Variants in INPP5A observed in about 807,000 individuals in gnomAD.
INPP5A encodes inositol polyphosphate-5-phosphatase A, also known as 43 kDa inositol polyphosphate 5-phophatase.
A neutral mutation model predicts 65.2 loss-of-function variants in INPP5A; 14 were observed. The observed-to-expected ratio is 0.21, with a 90% confidence interval of 0.14 to 0.34. The LOEUF is 0.34. INPP5A is among the 10% of genes least tolerant of loss of function. The pLI is 1.00. For synonymous variants in INPP5A, 207 were observed against 208.3 expected, an observed-to-expected ratio of 0.99 and a Z score of 0.05; for missense variants, 431 against 545.6, an observed-to-expected ratio of 0.79 and a Z score of 2.09.
intron 1 of INPP5A, among the ~76,000 whole-genome samples, chr10:132,599,261 A>G (rs966296235): frequency 1.3e-5 from 2 of 152,224 alleles, no homozygotes; most frequent in Non-Finnish European, 2.9e-5. Context: ...CCTGGATACA[A>G]TGGAGGTACA....
intron 2 of INPP5A, among the ~76,000 whole-genome samples, chr10:132,626,838 A>T (rs1193255451): frequency 6.6e-6 from 1 of 152,196 alleles, no homozygotes; most frequent in African/African-American, 2.4e-5. Flanking sequence ...AGGCCCTCCC[A>T]GCTCATGCCC....
At chr10:132,669,097 C>CA (rs2072846672) in intron 4 of INPP5A, among the ~76,000 whole-genome samples, 1 of 152,010 alleles carries the variant, frequency 6.6e-6, no homozygotes, top group African/African-American at 2.4e-5. Flanking sequence ...ACTAAAAATA[C>CA]AAAAAATTAG....
At chr10:132,775,188 G>GAAACGGGCAAGGAGGAGGGGCAGGGA (rs1847040258) in intron 12 of INPP5A, among the ~76,000 whole-genome samples, 1 of 1,750 alleles carries the variant, frequency 5.7e-4, no homozygotes, top group Non-Finnish European at 1.1e-3. Context: ...CAGGGAGAGA[G>GAAACGGGCAAGGAGGAGGGGCAGGGA]GGAGGGGCAG....
intron 1 of INPP5A, among the ~76,000 whole-genome samples, chr10:132,552,575 T>C (rs1440546270): frequency 8.4e-6 from 1 of 118,590 alleles, no homozygotes; most frequent in South Asian, 3.1e-4. Flanking sequence ...GGAGGGAGGA[T>C]TGGTGAATGC....
chr10:132,774,124 A>G (rs897729473), intron 12 of INPP5A, among the ~76,000 whole-genome samples: 4 of 152,026 alleles, frequency 2.6e-5, no homozygotes, highest in Non-Finnish European at 4.4e-5. Flanking sequence ...CAGCATTGCC[A>G]CAGCTGTAAT....
At chr10:132,726,727 T>G in intron 8 of INPP5A, 94 bp from the exon 9 acceptor site, 1 of 829,380 alleles carries the variant, frequency 1.2e-6, no homozygotes, top group East Asian at 2.5e-5. Context: ...GAACAGAGAG[T>G]GTGCGGATGG....
intron 4 of INPP5A, among the ~76,000 whole-genome samples, chr10:132,688,516 A>G (rs1845180298): frequency 6.6e-6 from 1 of 152,246 alleles, no homozygotes; most frequent in Admixed American, 6.5e-5. Flanking sequence ...GCATCTCAGC[A>G]GGAGGTCCAC....
At position 132,650,402 on chromosome 10, in the gene INPP5A, A is replaced by G; in HGVS notation, c.219-16A>G. On this transcript the variant is annotated splice_polypyrimidine_tract_variant and intron_variant, in intron 3 of 15. Transcript: ENST00000368594. This position sits in a 1 kb window ranked among gnomAD's most constrained non-coding sequence, Gnocchi z 5.5. ...CTGTGTGGCTTTTCCTCAGGAACCTACTTTCTTCCTTCCAGAGAACTATTG... is the reference window on the plus strand; with the variant it reads ...CTGTGTGGCTTTTCCTCAGGAACCTGCTTTCTTCCTTCCAGAGAACTATTG... 2 of 1,599,200 alleles carry G rather than the reference A, an allele frequency of 1.3e-6. No individual in the cohort carries two copies. The highest frequency in any genetic ancestry group is 3.3e-4 in the Middle Eastern group (2 of 6,038).
chr10:132,543,269 G>A (rs1279589647), intron 1 of INPP5A, among the ~76,000 whole-genome samples: 1 of 151,904 alleles, frequency 6.6e-6, no homozygotes, highest in African/African-American at 2.4e-5. Flanking sequence ...CCTGCAGTCA[G>A]TTTTCCTCTC....
intron 2 of INPP5A, 21 bp from the exon 3 acceptor site, chr10:132,645,847 A>G: frequency 6.3e-7 from 1 of 1,588,748 alleles, no homozygotes; most frequent in Non-Finnish European, 8.6e-7. Flanking sequence ...CGACCCTGAC[A>G]GTGTGCTTCT....
chr10:132,781,074 C>T (rs1030410174), intron 14 of INPP5A, among the ~76,000 whole-genome samples, 157 bp downstream of exon 14: 2 of 152,180 alleles, frequency 1.3e-5, no homozygotes, highest in African/African-American at 4.8e-5. Flanking sequence ...TCTTCTTAGT[C>T]TGACTACAGA....
intron 3 of INPP5A, among the ~76,000 whole-genome samples, chr10:132,648,793 A>G (rs986927552): frequency 7.2e-5 from 11 of 152,016 alleles, no homozygotes; most frequent in African/African-American, 2.7e-4. Flanking sequence ...CTCCACTGCT[A>G]GGTTTTGTCT....
chr10:132,689,062 G>A (rs1435708139), intron 4 of INPP5A, among the ~76,000 whole-genome samples: 1 of 152,242 alleles, frequency 6.6e-6, no homozygotes, highest in African/African-American at 2.4e-5. Flanking sequence ...TGGTGTGCAT[G>A]TGTGTACATG....
At chr10:132,718,756 C>T (rs569262613) in intron 8 of INPP5A, among the ~76,000 whole-genome samples, 8 of 147,872 alleles carry the variant, frequency 5.4e-5, no homozygotes, top group African/African-American at 1.2e-4. Flanking sequence ...GCACCTTAGA[C>T]GACTGTCTTC....
chr10:132,648,436 C>T (rs1475002648), intron 3 of INPP5A, among the ~76,000 whole-genome samples: 2 of 152,240 alleles, frequency 1.3e-5, no homozygotes, highest in Non-Finnish European at 2.9e-5. Context: ...GTGAGAGAAA[C>T]GCCCTTGGTG....
At chr10:132,646,875 C>T (rs1012245777) in intron 3 of INPP5A, among the ~76,000 whole-genome samples, 1 of 152,196 alleles carries the variant, frequency 6.6e-6, no homozygotes, top group Non-Finnish European at 1.5e-5. Context: ...CTCTGTGGGT[C>T]GATGCAGCCA....
Position 132,772,573 on chromosome 10 carries a change from C to T in INPP5A, c.978-5098C>T, listed in dbSNP as rs576939015. Reference sequence around the variant, plus strand: ...CACAGAGGCCACGGCAGCCACCCCACGAGGAGTGGGACAGACACTCAGCAC... The same window carrying T: ...CACAGAGGCCACGGCAGCCACCCCATGAGGAGTGGGACAGACACTCAGCAC... On this transcript the variant is annotated intron_variant, in intron 12 of 15. Coordinates refer to ENST00000368594, the MANE Select transcript of INPP5A (RefSeq NM_005539.5). 2.9e-3 allele frequency among the ~76,000 whole-genome samples: 231 copies of T among 80,156 alleles called. 2 individuals carry two copies. Among genetic ancestry groups the T allele is most frequent in the African/African-American group, 6.7e-3 (143 of 21,222 alleles). 52.6% of individuals were successfully genotyped at this position (80,156 alleles called of 152,430 possible).
At chr10:132,747,469 C>T (rs1024586981) in intron 9 of INPP5A, among the ~76,000 whole-genome samples, 2 of 152,282 alleles carry the variant, frequency 1.3e-5, no homozygotes, top group African/African-American at 2.4e-5. Context: ...AGGAGGTAGA[C>T]GCTGCATCTT....
In INPP5A at chr10:132,650,361, A is replaced by G; in HGVS notation, c.219-57A>G. 1 of 1,187,322 alleles carries G rather than the reference A, an allele frequency of 8.4e-7. No homozygotes were observed. Among genetic ancestry groups the G allele is most frequent in the South Asian group, 1.2e-5 (1 of 82,140 alleles). 73.5% of individuals were successfully genotyped at this position (1,187,322 alleles called of 1,614,324 possible). On this transcript the variant is annotated intron_variant, in intron 3 of 15. Transcript: ENST00000368594. This position sits in a 1 kb window ranked among gnomAD's most constrained non-coding sequence, Gnocchi z 5.5. ...CCCTCTTATACCTTGTGGTCATCTCATGAGGTGCAAGGCGTCTGTGTGGCT... is the reference window on the plus strand; with the variant it reads ...CCCTCTTATACCTTGTGGTCATCTCGTGAGGTGCAAGGCGTCTGTGTGGCT...
Sources: allele counts gnomAD v4.1 joint callset (sites outside exome capture counted in the v4.1 genomes callset), GRCh38; gene constraint gnomAD v4.1.1; non-coding constraint Gnocchi (gnomAD v3.1); transcripts MANE v1.5; gene names NCBI Gene and HGNC (gene_info 2026-07-23, HGNC 2026-07-21).